The following CCDC150 variants were observed in gnomAD, a reference collection of about 807,000 sequenced individuals.
CCDC150 encodes coiled-coil domain-containing protein 150.
CCDC150 carries 151 observed loss-of-function variants against 156.5 expected under a neutral mutation model. That is an observed-to-expected ratio of 0.97 (90% CI 0.85 to 1.10). The LOEUF (loss-of-function observed/expected upper bound fraction) is 1.10. CCDC150 is among the 50% of genes least tolerant of loss of function. The pLI is 0.00. For missense variants in CCDC150, 1,312 were observed against 1,268.1 expected, an observed-to-expected ratio of 1.03 and a Z score of -0.53; for synonymous variants, 452 against 429.4, an observed-to-expected ratio of 1.05 and a Z score of -0.65.
At chr2:196,687,505 A>AGG (rs1695189150) in intron 13 of CCDC150, among the ~76,000 whole-genome samples, 1 of 152,120 alleles carries the variant, frequency 6.6e-6, no homozygotes, top group Admixed American at 6.6e-5. Flanking sequence ...TAGATGCTGG[A>AGG]TATTAGACCT....
chr2:196,652,600 A>G (rs1182028960), intron 2 of CCDC150, among the ~76,000 whole-genome samples: 1 of 152,184 alleles, frequency 6.6e-6, no homozygotes, highest in Non-Finnish European at 1.5e-5. Flanking sequence ...TGGCTTTTAT[A>G]GGCTCAGGGT....
chr2:196,712,647 G>C (rs772183168), intron 16 of CCDC150, 30 bp from the exon 17 acceptor site: 1 of 1,573,398 alleles, frequency 6.4e-7, no homozygotes, highest in Non-Finnish European at 8.7e-7. Context: ...CAGTTGTGAG[G>C]AACAAGTATC....
At chr2:196,671,220 C>T (rs1020964376) in intron 8 of CCDC150, among the ~76,000 whole-genome samples, 1 of 152,048 alleles carries the variant, frequency 6.6e-6, no homozygotes, top group Admixed American at 6.6e-5. Context: ...TGTGCTTTGC[C>T]TATTCATCCC....
At chr2:196,680,475 T>A (rs939265882) in intron 13 of CCDC150, among the ~76,000 whole-genome samples, 1 of 152,134 alleles carries the variant, frequency 6.6e-6, no homozygotes, top group Non-Finnish European at 1.5e-5. Flanking sequence ...CTAATTTTTT[T>A]ATTTTTTGTA....
chr2:196,698,851 C>T (rs1695993907), intron 14 of CCDC150, among the ~76,000 whole-genome samples: 2 of 152,156 alleles, frequency 1.3e-5, no homozygotes, highest in South Asian at 2.1e-4. Flanking sequence ...TCTCCCCACC[C>T]GGCAACAGGC....
intron 13 of CCDC150, among the ~76,000 whole-genome samples, chr2:196,682,755 C>CT (rs1694915215): frequency 1.3e-5 from 2 of 152,024 alleles, no homozygotes; most frequent in Admixed American, 1.3e-4. Context: ...TATCATTTCA[C>CT]TTGAAGTTGC....
At chr2:196,689,484 G>A (rs1237169596) in intron 13 of CCDC150, among the ~76,000 whole-genome samples, 15 of 151,644 alleles carry the variant, frequency 9.9e-5, no homozygotes, top group Admixed American at 3.9e-4. Context: ...TGGATTCCTA[G>A]GTATTTTATT....
intron 2 of CCDC150, among the ~76,000 whole-genome samples, chr2:196,649,641 A>C (rs980747616): frequency 6.6e-6 from 1 of 152,222 alleles, no homozygotes; most frequent in Non-Finnish European, 1.5e-5. Context: ...CTGTCATTAC[A>C]TAACTCATTA....
chr2:196,683,269 G>A (rs1694946698), intron 13 of CCDC150, among the ~76,000 whole-genome samples: 3 of 152,026 alleles, frequency 2.0e-5, no homozygotes, highest in African/African-American at 7.2e-5. Context: ...TGTCTATTGA[G>A]ATGATCTTGT....
At chr2:196,700,652 A>G (rs1696143761) in intron 14 of CCDC150, among the ~76,000 whole-genome samples, 1 of 152,168 alleles carries the variant, frequency 6.6e-6, no homozygotes, top group African/African-American at 2.4e-5. Context: ...TCCAATAAAC[A>G]TTTATTTTGT....
intron 14 of CCDC150, among the ~76,000 whole-genome samples, chr2:196,699,373 A>G (rs1470124702): frequency 6.6e-6 from 1 of 152,248 alleles, no homozygotes; most frequent in East Asian, 1.9e-4. Flanking sequence ...AATATTGGGT[A>G]TAAGTTTTTA....
intron 2 of CCDC150, among the ~76,000 whole-genome samples, chr2:196,650,279 A>G (rs1014631083): frequency 2.0e-5 from 3 of 152,266 alleles, no homozygotes; most frequent in African/African-American, 7.2e-5. Context: ...TTCTGTTAAT[A>G]CAGTGGATCA....
intron 20 of CCDC150, 47 bp from the exon 21 acceptor site, chr2:196,721,475 G>A: frequency 7.0e-7 from 1 of 1,432,210 alleles, no homozygotes. Context: ...TGGACTTCTT[G>A]CATCTGTCCA....
intron 15 of CCDC150, among the ~76,000 whole-genome samples, chr2:196,707,803 T>G (rs1696773149): frequency 6.6e-6 from 1 of 152,206 alleles, no homozygotes; most frequent in Non-Finnish European, 1.5e-5. Flanking sequence ...GTTGTTCAGT[T>G]TCCATGTAGT....
At chr2:196,699,548 C>T (rs1294194481) in intron 14 of CCDC150, among the ~76,000 whole-genome samples, 3 of 149,378 alleles carry the variant, frequency 2.0e-5, no homozygotes, top group African/African-American at 7.4e-5. Flanking sequence ...AAATGGGGGT[C>T]TTGCTCTGTC....
chr2:196,680,548 A>G (rs1694756907), intron 13 of CCDC150, among the ~76,000 whole-genome samples: 1 of 152,070 alleles, frequency 6.6e-6, no homozygotes, highest in Admixed American at 6.6e-5. Flanking sequence ...CAATCTGCCC[A>G]GATATCTCAG....
intron 17 of CCDC150, among the ~76,000 whole-genome samples, chr2:196,714,636 ACTTTT>A (rs2125695953): frequency 6.6e-6 from 1 of 152,228 alleles, no homozygotes; most frequent in South Asian, 2.1e-4. Flanking sequence ...AATTGGCCTC[ACTTTT>A]CCTGTCCCCA....
chr2:196,731,984 C>G (rs1423390533), intron 26 of CCDC150, 49 bp from the exon 27 acceptor site: 3 of 1,575,048 alleles, frequency 1.9e-6, no homozygotes, highest in Non-Finnish European at 2.6e-6. Flanking sequence ...CACAAAAAAA[C>G]TTGTAACTCT....
At chr2:196,652,040 G>A (rs749852218) in intron 2 of CCDC150, among the ~76,000 whole-genome samples, 2 of 152,116 alleles carry the variant, frequency 1.3e-5, no homozygotes, top group Non-Finnish European at 2.9e-5. Flanking sequence ...GCACCAAGCC[G>A]TTCATGAGGG....
Sources: gnomAD v4.1 joint callset for allele counts (sites outside exome capture counted in the v4.1 genomes callset) on GRCh38, gnomAD v4.1.1 for gene constraint, MANE v1.5 for transcripts, NCBI Gene and HGNC (gene_info 2026-07-23, HGNC 2026-07-21) for gene names.